Variants in MACROD2 observed in about 807,000 individuals in gnomAD.
MACROD2 encodes mono-ADP ribosylhydrolase 2.
A neutral mutation model predicts 70.4 loss-of-function variants in MACROD2; 36 were observed. The ratio of observed to expected loss-of-function variants is 0.51; its 90% CI spans 0.39 to 0.68. The LOEUF is 0.68. MACROD2 is among the 30% of genes least tolerant of loss of function. The pLI, the probability that MACROD2 is intolerant of heterozygous loss-of-function variation, is 0.00. For missense variants in MACROD2, 496 were observed against 538.4 expected (o/e 0.92, Z 0.78); for synonymous variants, 172 against 178.8 (o/e 0.96, Z 0.30).
At chr20:14,470,517 G>A (rs1033473873) in intron 3 of MACROD2, among the ~76,000 whole-genome samples, 2 of 152,112 alleles carry the variant, frequency 1.3e-5, no homozygotes, top group Non-Finnish European at 2.9e-5. Flanking sequence ...CTGAAGCTGC[G>A]ACCATAGCCG....
chr20:15,503,141 CAAAAAG>C (rs917156923), intron 8 of MACROD2, among the ~76,000 whole-genome samples: 2 of 151,958 alleles, frequency 1.3e-5, no homozygotes, highest in African/African-American at 4.8e-5. Context: ...TGATATATGA[CAAAAAG>C]AGAAGAATCA....
chr20:14,669,031 A>G (rs1315829423), intron 4 of MACROD2, among the ~76,000 whole-genome samples: 1 of 152,184 alleles, frequency 6.6e-6, no homozygotes, highest in Non-Finnish European at 1.5e-5. Flanking sequence ...GAATAATTGT[A>G]TTGCTTGACA....
chr20:14,776,779 G>A lies in MACROD2; in HGVS notation c.418+91820G>A, dbSNP rs192058107. 1.4e-4 allele frequency among the ~76,000 whole-genome samples: 21 copies of A among 152,184 alleles called. 1 individual carries two copies. The highest frequency in any genetic ancestry group is 1.2e-3 in the Admixed American group (18 of 15,264). ...CTTGATGAAATTTTACCAGCTGGAT[G>A]TTTTTGTAGCCAGTACCCAGTTGAG... On this transcript the variant is annotated intron_variant, in intron 5 of 17. Coordinates refer to ENST00000684519, the MANE Select transcript of MACROD2 (RefSeq NM_001351661.2).
intron 6 of MACROD2, among the ~76,000 whole-genome samples, chr20:15,349,447 C>T (rs1187185892): frequency 6.6e-6 from 1 of 152,056 alleles, no homozygotes; most frequent in Non-Finnish European, 1.5e-5. Flanking sequence ...CAATATCTTT[C>T]TTGGAACACA....
chr20:14,092,912 A>AT, intron 3 of MACROD2, among the ~76,000 whole-genome samples: 1 of 152,234 alleles, frequency 6.6e-6, no homozygotes. Flanking sequence ...AAGCATTGAG[A>AT]TTTTCCATTA....
At chr20:14,610,681 C>T (rs896133954) in intron 4 of MACROD2, among the ~76,000 whole-genome samples, 1 of 151,962 alleles carries the variant, frequency 6.6e-6, no homozygotes, top group African/African-American at 2.4e-5. Context: ...TACAGTATGA[C>T]AGATTTTAAT....
chr20:15,323,064 A>T (rs1357681236), intron 6 of MACROD2, among the ~76,000 whole-genome samples: 1 of 150,952 alleles, frequency 6.6e-6, no homozygotes, highest in Non-Finnish European at 1.5e-5. Flanking sequence ...AGGTAGAATA[A>T]TGCTGTATGT....
chr20:15,461,815 C>A (rs1448152866), intron 7 of MACROD2, among the ~76,000 whole-genome samples: 1 of 152,118 alleles, frequency 6.6e-6, no homozygotes, highest in Non-Finnish European at 1.5e-5. Context: ...CTTAAAATAG[C>A]AAACTGAGGA....
At chr20:15,376,814 T>G (rs1435297936) in intron 6 of MACROD2, among the ~76,000 whole-genome samples, 2 of 152,242 alleles carry the variant, frequency 1.3e-5, no homozygotes, top group Non-Finnish European at 2.9e-5. Context: ...AAAATTCAAA[T>G]GATCTGACTT....
At chr20:14,315,063 G>T (rs2082601845) in intron 3 of MACROD2, among the ~76,000 whole-genome samples, 1 of 152,092 alleles carries the variant, frequency 6.6e-6, no homozygotes, top group Non-Finnish European at 1.5e-5. Flanking sequence ...TAGTGTTCTG[G>T]TGTATTTTGT....
chr20:15,365,405 C>A, intron 6 of MACROD2, among the ~76,000 whole-genome samples: 1 of 152,226 alleles, frequency 6.6e-6, no homozygotes, highest in Middle Eastern at 3.4e-3. Flanking sequence ...GTGGCTCACA[C>A]CTGTAATCCC....
intron 3 of MACROD2, among the ~76,000 whole-genome samples, chr20:14,423,998 G>T (rs181353821): frequency 6.6e-6 from 1 of 151,760 alleles, no homozygotes; most frequent in Admixed American, 6.6e-5. Flanking sequence ...TCGACCTCAG[G>T]TGATCCGCCC....
chr20:15,908,411 A>G (rs568485294), intron 10 of MACROD2, among the ~76,000 whole-genome samples: 97 of 152,262 alleles, frequency 6.4e-4, no homozygotes, highest in African/African-American at 2.2e-3. Flanking sequence ...GCTCCCATCC[A>G]CTGCTAGTCT....
intron 7 of MACROD2, among the ~76,000 whole-genome samples, chr20:15,434,353 A>T (rs903488797): frequency 6.6e-6 from 1 of 151,944 alleles, no homozygotes; most frequent in East Asian, 1.9e-4. Flanking sequence ...CCCATAAAAA[A>T]TGGGCAAAGG....
chr20:14,989,604 A>G (rs1475261), intron 5 of MACROD2, among the ~76,000 whole-genome samples: 1,544 of 152,240 alleles, frequency 0.01, 27 homozygotes, highest in African/African-American at 0.036. Context: ...TTCCTGGAAC[A>G]AGGTGGAGAT....
At chr20:14,277,126 A>T (rs1364483771) in intron 3 of MACROD2, among the ~76,000 whole-genome samples, 1 of 152,052 alleles carries the variant, frequency 6.6e-6, no homozygotes, top group Non-Finnish European at 1.5e-5. Context: ...ACATGGTGAA[A>T]CTGTGTCTCT....
intron 8 of MACROD2, among the ~76,000 whole-genome samples, chr20:15,576,481 A>G (rs1448042959): frequency 2.6e-5 from 4 of 152,194 alleles, no homozygotes; most frequent in Non-Finnish European, 5.9e-5. Context: ...ATCCATATTA[A>G]GAAAGATATT....
intron 4 of MACROD2, among the ~76,000 whole-genome samples, chr20:14,678,300 C>A (rs1051044630): frequency 2.6e-5 from 4 of 152,108 alleles, no homozygotes; most frequent in African/African-American, 9.7e-5. Context: ...AGTCTCACAA[C>A]CCCCTAAAAT....
intron 6 of MACROD2, among the ~76,000 whole-genome samples, chr20:15,242,689 A>G (rs1262264038): frequency 2.0e-5 from 3 of 152,240 alleles, no homozygotes; most frequent in African/African-American, 7.2e-5. Flanking sequence ...TAAATGACCA[A>G]GAAACAGGAT....
Sources: allele counts gnomAD v4.1 joint callset (sites outside exome capture counted in the v4.1 genomes callset), GRCh38; gene constraint gnomAD v4.1.1; transcripts MANE v1.5; gene names NCBI Gene and HGNC (gene_info 2026-07-23, HGNC 2026-07-21).